SCHIP1: variants seen among roughly 807,000 people sequenced by gnomAD.
SCHIP1 encodes schwannomin interacting protein 1, also known as schwannomin-interacting protein 1.
In SCHIP1, 8 loss-of-function variants were observed where a neutral mutation model predicts 29.7. The observed-to-expected ratio is 0.27, with a 90% CI of 0.16 to 0.49. The LOEUF is 0.49. Ranked by LOEUF, SCHIP1 falls within the 20% of genes least tolerant of loss-of-function variation. SCHIP1 has a pLI of 0.99. For missense variants in SCHIP1, 193 were observed against 294.6 expected, an observed-to-expected ratio of 0.66 and a Z score of 2.52; for synonymous variants, 76 against 94.9, an observed-to-expected ratio of 0.80 and a Z score of 1.16.
chr3:159,410,421 A>G, the SCHIP1 span, among the ~76,000 whole-genome samples: 23 of 152,278 alleles, frequency 1.5e-4, no homozygotes, highest in Non-Finnish European at 7.4e-5. Context: ...GAGCTCAAGC[A>G]ACTGTATAGA....
chr3:159,391,683 A>G, the SCHIP1 span, among the ~76,000 whole-genome samples: 1 of 152,230 alleles, frequency 6.6e-6, no homozygotes, highest in Admixed American at 6.5e-5. Context: ...CTGTTCCATC[A>G]GTGGGAGAAC....
At chr3:159,348,703 A>G in the SCHIP1 span, among the ~76,000 whole-genome samples, 2 of 152,192 alleles carry the variant, frequency 1.3e-5, no homozygotes, top group African/African-American at 4.8e-5. Context: ...GAATATTTGC[A>G]TAAATATTTC....
chr3:159,321,640 G>A, the SCHIP1 span, among the ~76,000 whole-genome samples: 1 of 152,068 alleles, frequency 6.6e-6, no homozygotes, highest in Admixed American at 6.5e-5. Flanking sequence ...ATGTATACAT[G>A]TGCCATGCGG....
chr3:159,497,131 G>A, the SCHIP1 span, among the ~76,000 whole-genome samples: 3 of 151,998 alleles, frequency 2.0e-5, no homozygotes, highest in Admixed American at 6.6e-5. Context: ...ATAGCATTAG[G>A]AGATATATCT....
chr3:159,408,838 A>G, the SCHIP1 span, among the ~76,000 whole-genome samples: 1 of 152,338 alleles, frequency 6.6e-6, no homozygotes, highest in East Asian at 1.9e-4. Context: ...CATCAAAGAA[A>G]GAAAAATATA....
At chr3:159,493,785 T>C in the SCHIP1 span, among the ~76,000 whole-genome samples, 4 of 152,138 alleles carry the variant, frequency 2.6e-5, no homozygotes, top group Admixed American at 2.6e-4. Flanking sequence ...CCACCCCAAA[T>C]CAAGAGAATA....
chr3:159,867,686 G>T (rs1714761995), intron 2 of SCHIP1, among the ~76,000 whole-genome samples: 1 of 152,110 alleles, frequency 6.6e-6, no homozygotes, highest in Non-Finnish European at 1.5e-5. Context: ...TCCCCTCCCA[G>T]TCAGATGTGG....
the SCHIP1 span, among the ~76,000 whole-genome samples, chr3:159,510,649 G>A: frequency 4.9e-4 from 74 of 152,314 alleles, no homozygotes; most frequent in African/African-American, 1.6e-3. Context: ...GGGTTTTGGT[G>A]TGGATGTCCT....
chr3:159,866,895 A>T (rs1714688047), intron 2 of SCHIP1, among the ~76,000 whole-genome samples: 1 of 152,198 alleles, frequency 6.6e-6, no homozygotes, highest in Admixed American at 6.5e-5. Flanking sequence ...TCCAAAAAAC[A>T]GTGCTATAGG....
At chr3:159,516,125 C>T in the SCHIP1 span, among the ~76,000 whole-genome samples, 2 of 152,052 alleles carry the variant, frequency 1.3e-5, no homozygotes, top group East Asian at 1.9e-4. Context: ...TTCTCCTGTT[C>T]CCTGAACTCT....
chr3:159,424,988 T>C, the SCHIP1 span, among the ~76,000 whole-genome samples: 3 of 151,742 alleles, frequency 2.0e-5, no homozygotes, highest in Admixed American at 1.3e-4. Flanking sequence ...GACAAGCAAA[T>C]GCTGAGAGAT....
the SCHIP1 span, among the ~76,000 whole-genome samples, chr3:159,803,835 C>A: frequency 7.9e-5 from 12 of 152,274 alleles, no homozygotes; most frequent in East Asian, 2.3e-3. Flanking sequence ...TTTTAAATGC[C>A]AAACCAATTA....
At chr3:159,867,882 C>G (rs1030209014) in intron 2 of SCHIP1, among the ~76,000 whole-genome samples, 2 of 151,532 alleles carry the variant, frequency 1.3e-5, no homozygotes, top group African/African-American at 4.8e-5. Context: ...TCCCAGAGTG[C>G]CAAAATGTCT....
the SCHIP1 span, among the ~76,000 whole-genome samples, chr3:159,523,169 A>T: frequency 6.6e-6 from 1 of 152,330 alleles, no homozygotes; most frequent in East Asian, 1.9e-4. Flanking sequence ...AAAAAATAAA[A>T]TAAAATCTAT....
the SCHIP1 span, among the ~76,000 whole-genome samples, chr3:159,399,281 T>C: frequency 6.6e-6 from 1 of 152,226 alleles, no homozygotes; most frequent in Non-Finnish European, 1.5e-5. Context: ...CTGATCTTTT[T>C]TAGCTCTACT....
the SCHIP1 span, among the ~76,000 whole-genome samples, chr3:159,376,901 T>C: frequency 3.3e-5 from 5 of 152,240 alleles, no homozygotes; most frequent in African/African-American, 1.2e-4. Flanking sequence ...TTGTGGCTTC[T>C]GTTGCAAAGG....
At chr3:159,644,167 C>T in the SCHIP1 span, among the ~76,000 whole-genome samples, 5 of 152,148 alleles carry the variant, frequency 3.3e-5, no homozygotes, top group Admixed American at 6.5e-5. Context: ...ATAGAGAATT[C>T]GTTAAATAAG....
At chr3:159,558,236 C>T in the SCHIP1 span, among the ~76,000 whole-genome samples, 7 of 152,174 alleles carry the variant, frequency 4.6e-5, no homozygotes, top group South Asian at 2.1e-4. Flanking sequence ...GAGAGAAAAA[C>T]GGGAAGTATG....
At chr3:159,785,341 A>G in the SCHIP1 span, among the ~76,000 whole-genome samples, 1 of 152,236 alleles carries the variant, frequency 6.6e-6, no homozygotes, top group African/African-American at 2.4e-5. Flanking sequence ...CAACATCTCA[A>G]TTTGATAGTT....
Sources: allele counts gnomAD v4.1 joint callset (sites outside exome capture counted in the v4.1 genomes callset), GRCh38; gene constraint gnomAD v4.1.1; transcripts MANE v1.5; gene names NCBI Gene and HGNC (gene_info 2026-07-23, HGNC 2026-07-21).